The following ACCS variants were observed in gnomAD, a reference collection of about 807,000 sequenced individuals.
The protein encoded by ACCS is 1-aminocyclopropane-1-carboxylate synthase homolog (inactive), also known as 1-aminocyclopropane-1-carboxylate synthase-like protein 1.
ACCS carries 42 observed loss-of-function variants against 59.8 expected under a neutral mutation model. That is an observed-to-expected ratio of 0.70 (90% confidence interval 0.55 to 0.91). The LOEUF is 0.91. ACCS is among the 40% of genes least tolerant of loss of function. The pLI is 0.00. For missense variants in ACCS, 602 were observed against 630.4 expected (o/e 0.95, Z 0.48); for synonymous variants, 230 against 240.3 (o/e 0.96, Z 0.40).
chr11:44,079,601 A>G lies in ACCS; in HGVS notation c.904A>G (p.Ser302Gly), dbSNP rs1213404581. ...SVFEKSVGYR[S>G]VLSLERLPDP... ...GTTTGAGAAGTCTGTTGGGTACCGCAGTGTCCTAAGCCTGGAAAGGTGAGG... is the reference window on the plus strand; with the variant it reads ...GTTTGAGAAGTCTGTTGGGTACCGCGGTGTCCTAAGCCTGGAAAGGTGAGG... Residue 302 changes from serine to glycine, a missense_variant, in exon 10 of 15, where the codon AGT (serine) becomes GGT (glycine). Transcript: ENST00000263776. The G allele has an allele frequency of 3.1e-6, 5 of 1,610,834 alleles. No individual in the cohort carries two copies. Among genetic ancestry groups the G allele is most frequent in the Admixed American group, 3.3e-5 (2 of 59,744 alleles).
intron 9 of ACCS, chr11:44,079,084 C>T (rs927944115): frequency 2.4e-6 from 1 of 421,768 alleles, no homozygotes; most frequent in Non-Finnish European, 4.3e-6. Flanking sequence ...TCACAACAAC[C>T]CTTTATGTGC....
At chr11:44,075,841 G>C (rs1020473708) in intron 6 of ACCS, 5 of 476,018 alleles carry the variant, frequency 1.1e-5, no homozygotes, top group African/African-American at 9.6e-5. Flanking sequence ...TCATAAGGTG[G>C]CTGTCGCGTC....
chr11:44,069,094 A>G (rs1474362249), intron 2 of ACCS, among the ~76,000 whole-genome samples: 1 of 152,202 alleles, frequency 6.6e-6, no homozygotes, highest in Non-Finnish European at 1.5e-5. Context: ...AAAGTGAGGG[A>G]TTGTGTTAGT....
chr11:44,081,584 G>A (rs1216444790), intron 12 of ACCS, among the ~76,000 whole-genome samples: 3 of 152,226 alleles, frequency 2.0e-5, no homozygotes, highest in Non-Finnish European at 2.9e-5. Flanking sequence ...TAACAGGTTA[G>A]TATGATTTGT....
At chr11:44,072,117 A>C (rs1431842554) in intron 3 of ACCS, 1 of 145,050 alleles carries the variant, frequency 6.9e-6, no homozygotes, top group Non-Finnish European at 1.5e-5. Context: ...AGAAATCTCA[A>C]CCCCAAGGGG....
At chr11:44,075,357 G>C (rs1171340165) in intron 5 of ACCS, among the ~76,000 whole-genome samples, 169 bp from the exon 6 acceptor site, 1 of 152,160 alleles carries the variant, frequency 6.6e-6, no homozygotes, top group Non-Finnish European at 1.5e-5. Flanking sequence ...TCTGGAGCAG[G>C]GTCCACACGG....
chr11:44,077,519 C>G (rs747323170), intron 7 of ACCS, 143 bp downstream of exon 7: 160 of 1,469,462 alleles, frequency 1.1e-4, no homozygotes, highest in Non-Finnish European at 1.3e-4. Flanking sequence ...GCATGGCTGC[C>G]TGTGCCTGGG....
rs1952796503 is a variant in ACCS at position 44,066,350 on chromosome 11, G to C, written c.-352G>C. 6.6e-6 allele frequency: 1 copy of C among 152,166 alleles called. No homozygotes were observed. Among genetic ancestry groups the C allele is most frequent in the Non-Finnish European group, 1.5e-5 (1 of 68,040 alleles). 9.4% of individuals were successfully genotyped at this position (152,166 alleles called of 1,614,324 possible). ...AGGTGGGATCCACTACTTTGCAGAG[G>C]AGGAAGCCGTTCAGGCCTCCCTCTG... On this transcript the variant is annotated 5_prime_UTR_variant, in exon 1 of 15. Transcript: ENST00000263776.
chr11:44,077,466 G>T, intron 7 of ACCS, 90 bp downstream of exon 7: 1 of 1,580,516 alleles, frequency 6.3e-7, no homozygotes, highest in Admixed American at 1.8e-5. Flanking sequence ...CATGCTGAGG[G>T]CTCTGGGGTT....
chr11:44,076,393 G>A (rs374469233), intron 6 of ACCS, among the ~76,000 whole-genome samples: 54 of 152,302 alleles, frequency 3.5e-4, no homozygotes, highest in African/African-American at 1.3e-3. Flanking sequence ...CAATAAGGTC[G>A]GTTCTATGGT....
chr11:44,073,135 A>G (rs895493006), intron 3 of ACCS, among the ~76,000 whole-genome samples: 2 of 152,122 alleles, frequency 1.3e-5, no homozygotes, highest in Non-Finnish European at 2.9e-5. Flanking sequence ...TTCCGTTAAT[A>G]CTTTTGCAAA....
chr11:44,078,689 G>T lies in ACCS; in HGVS notation c.738G>T (p.Val246=). 1 of 1,614,050 alleles carries T rather than the reference G, an allele frequency of 6.2e-7. No homozygotes were observed. The highest frequency in any genetic ancestry group is 1.1e-5 in the South Asian group (1 of 91,072). ...GCCCTAACGGATGGTTTCAGGGTGTGAAGGTCAAAGGCCTCATCCTCATCA... is the reference window on the plus strand; with the variant it reads ...GCCCTAACGGATGGTTTCAGGGTGTTAAGGTCAAAGGCCTCATCCTCATCA... ...MALREAHSEG[V]KVKGLILISP... The change falls in exon 9 of 15, where the codon GTG becomes GTT. Residue 246 remains valine (V), a synonymous_variant. Coordinates refer to ENST00000263776, the MANE Select transcript of ACCS (RefSeq NM_032592.4).
intron 10 of ACCS, chr11:44,080,664 C>G: frequency 3.1e-6 from 1 of 322,412 alleles, no homozygotes; most frequent in East Asian, 7.2e-5. Context: ...AGGGAGAGTC[C>G]AGGGAGCTGT....
chr11:44,072,013 A>G (rs865875726), intron 3 of ACCS, among the ~76,000 whole-genome samples: 8 of 152,318 alleles, frequency 5.3e-5, no homozygotes, highest in Middle Eastern at 3.4e-3. Flanking sequence ...ACCACTGACA[A>G]TGCCTAATAA....
Position 44,083,764 on chromosome 11 carries a change from G to T in ACCS, c.1478G>T (p.Ser493Ile). The change falls in exon 15 of 15, where the codon AGC (serine) becomes ATC (isoleucine). Residue 493 changes from serine to isoleucine, a missense_variant. Transcript: ENST00000263776. ...QVAEDPRPSQ[S>I]QEPSDQRR ...GCAGAAGACCCCCGTCCCTCTCAGA[G>T]CCAGGAGCCAAGTGACCAACGCAGG... is the stretch of plus-strand genomic sequence containing the variant. The T allele has an allele frequency of 6.2e-7, 1 of 1,613,626 alleles. No individual in the cohort carries two copies. Among genetic ancestry groups the T allele is most frequent in the Non-Finnish European group, 8.5e-7 (1 of 1,179,764 alleles).
At chr11:44,079,880 T>C (rs1953558588) in intron 10 of ACCS, among the ~76,000 whole-genome samples, 1 of 152,338 alleles carries the variant, frequency 6.6e-6, no homozygotes, top group East Asian at 1.9e-4. Context: ...GGATGGCAAA[T>C]TGGCCTCTTT....
At chr11:44,071,422 G>A in intron 3 of ACCS, 107 bp downstream of exon 3, 1 of 1,318,588 alleles carries the variant, frequency 7.6e-7, no homozygotes, top group Non-Finnish European at 1.1e-6. Flanking sequence ...GCCCTGGCCT[G>A]GGAATCAGGA....
chr11:44,078,074 G>C (rs1953463308), intron 8 of ACCS, 152 bp downstream of exon 8: 2 of 1,011,478 alleles, frequency 2.0e-6, no homozygotes, highest in Non-Finnish European at 2.8e-6. Context: ...ATTATTCTGG[G>C]AGTCAGGCAG....
chr11:44,075,683 G>A (rs1590485686), intron 6 of ACCS, 91 bp downstream of exon 6: 2 of 1,453,948 alleles, frequency 1.4e-6, no homozygotes, highest in Non-Finnish European at 1.9e-6. Context: ...GCAATAGTAT[G>A]CTTTCGGGCA....
Sources: gnomAD v4.1 joint callset for allele counts (sites outside exome capture counted in the v4.1 genomes callset) on GRCh38, gnomAD v4.1.1 for gene constraint, MANE v1.5 for transcripts, NCBI Gene and HGNC (gene_info 2026-07-23, HGNC 2026-07-21) for gene names.